CD180: variants seen among roughly 807,000 people sequenced by gnomAD.
CD180 encodes the protein CD180 molecule.
A neutral mutation model predicts 10.7 loss-of-function variants in CD180; 11 were observed. That is an observed-to-expected ratio of 1.03 (90% confidence interval 0.65 to 1.70). The LOEUF is 1.70. CD180 is among the 40% of genes most tolerant of loss of function. The probability of loss-of-function intolerance (pLI) is 0.00; values close to 1 mark genes in which losing one functional copy is unlikely to be tolerated. For missense variants in CD180, 729 were observed against 775.2 expected, an observed-to-expected ratio of 0.94 and a Z score of 0.71; for synonymous variants, 286 against 294.6, an observed-to-expected ratio of 0.97 and a Z score of 0.30.
chr5:67,195,455 C>T (rs1033946014), intron 1 of CD180, among the ~76,000 whole-genome samples: 2 of 152,202 alleles, frequency 1.3e-5, no homozygotes, highest in African/African-American at 4.8e-5. Context: ...AGTCTCAAGG[C>T]ATACACCCAC....
Position 67,183,960 on chromosome 5 carries a change from G to C in CD180, c.883C>G (p.Gln295Glu). 1.9e-6 allele frequency: 3 copies of C among 1,614,198 alleles called. No individual in the cohort carries two copies. The highest frequency in any genetic ancestry group is 1.1e-5 in the South Asian group (1 of 91,084). ...AATTCTTGGAGTTGGGTGAAGCACT[G>C]AAATGTGGTGGATGAGATGTCAGAG... Reference protein sequence around the residue: ...RFSDISSTTFQCFTQLQELDL... With the variant: ...RFSDISSTTFECFTQLQELDL... The change falls in exon 3 of 3, where the codon CAG (glutamine) becomes GAG (glutamate). Residue 295 changes from glutamine to glutamate, a missense_variant. Physicochemically the swap from Gln to Glu is conservative, Grantham distance 29 (BLOSUM62 2). Transcript: ENST00000256447.
chr5:67,195,408 G>A (rs1423489331), intron 1 of CD180, among the ~76,000 whole-genome samples: 2 of 152,136 alleles, frequency 1.3e-5, no homozygotes, highest in Admixed American at 1.3e-4. Context: ...GTACAGATGG[G>A]GTTTTGCCAT....
rs778261466 is a variant in CD180, at chr5:67,183,869, T to G, written c.974A>C (p.Lys325Thr). Residue 325 changes from lysine (K) to threonine (T), a missense_variant, in exon 3 of 3, where the codon AAA (lysine) becomes ACA (threonine). Coordinates refer to ENST00000256447, the MANE Select transcript of CD180 (RefSeq NM_005582.3). ...SGMKGLNLLKKLVLSVNHFDQ... is the reference protein window; with the variant it reads ...SGMKGLNLLKTLVLSVNHFDQ... ...GAAATGATTTACACTGAGAACTAAT[T>G]TCTTGAGCAAGTTCAGACCCTTCAT... is the stretch of plus-strand genomic sequence containing the variant. The G allele has an allele frequency of 9.3e-6, 15 of 1,614,058 alleles. No homozygotes were observed. Among genetic ancestry groups the G allele is most frequent in the African/African-American group, 2.7e-5 (2 of 74,924 alleles).
chr5:67,193,363 G>A (rs774629849), intron 1 of CD180, among the ~76,000 whole-genome samples: 3 of 152,174 alleles, frequency 2.0e-5, no homozygotes, highest in South Asian at 2.1e-4. Context: ...TAAGTCAAAA[G>A]CAAGAGTTTA....
intron 1 of CD180, among the ~76,000 whole-genome samples, chr5:67,196,010 A>T (rs926071085): frequency 6.6e-6 from 1 of 152,224 alleles, no homozygotes; most frequent in Non-Finnish European, 1.5e-5. Context: ...CCAAAACAGA[A>T]GGTGCAATTT....
At position 67,183,120 on chromosome 5, in the gene CD180, T is replaced by C. The variant is rs1554035885; in HGVS notation, c.1723A>G (p.Ser575Gly). 5 of 1,610,312 alleles carry C rather than the reference T, an allele frequency of 3.1e-6. No individual in the cohort carries two copies. The highest frequency in any genetic ancestry group is 4.2e-6 in the Non-Finnish European group (5 of 1,177,454). The stretch of plus-strand genomic sequence containing the variant: ...CAAGTGCAGTCCAGGGGGTTATGAC[T>C]TAAATTAATGGTGCTCTGCTGGGAC... ...ILSQQSTINL[S>G]HNPLDCTCSN... The change falls in exon 3 of 3, where the codon AGT becomes GGT. Residue 575 changes from serine to glycine, a missense_variant. Coordinates refer to ENST00000256447, the MANE Select transcript of CD180 (RefSeq NM_005582.3).
chr5:67,190,355 T>C (rs971270557), intron 1 of CD180, among the ~76,000 whole-genome samples: 14 of 152,192 alleles, frequency 9.2e-5, no homozygotes, highest in African/African-American at 2.2e-4. Context: ...GAAGGAACAC[T>C]GGGCCCCAGC....
intron 2 of CD180, among the ~76,000 whole-genome samples, chr5:67,185,164 G>A (rs544008770): frequency 6.7e-6 from 1 of 148,736 alleles, no homozygotes; most frequent in Non-Finnish European, 1.5e-5. Flanking sequence ...TGCTTTTAAA[G>A]ATGAAGCGGT....
Position 67,196,698 on chromosome 5 carries a change from C to A in CD180, c.-57G>T. On this transcript the variant is annotated 5_prime_UTR_variant, in exon 1 of 3. It removes the in-frame stop codon of an upstream open reading frame in the 5' UTR. Transcript: ENST00000256447. ...AATGCTTGGAGCTGAGAAATGGAAT[C>A]AAACTGTGAAGGCCCTGGCAATTTG... 3 of 1,587,108 alleles carry A rather than the reference C, an allele frequency of 1.9e-6. No homozygotes were observed. Among genetic ancestry groups the A allele is most frequent in the South Asian group, 1.1e-5 (1 of 90,566 alleles).
At chr5:67,191,547 G>A (rs1742305418) in intron 1 of CD180, among the ~76,000 whole-genome samples, 1 of 152,192 alleles carries the variant, frequency 6.6e-6, no homozygotes, top group South Asian at 2.1e-4. Context: ...TGGCCAAGCT[G>A]AGCTCACTTG....
rs62369376 is a variant in CD180 at position 67,195,154 on chromosome 5, G to A, written c.90+1398C>T. Among the ~76,000 whole-genome samples, 396 of 152,222 alleles carry A rather than the reference G, an allele frequency of 2.6e-3. 2 individuals carry two copies. Among genetic ancestry groups the A allele is most frequent in the Non-Finnish European group, 4.0e-3 (271 of 68,010 alleles). On this transcript the variant is annotated intron_variant, in intron 1 of 2. Coordinates refer to ENST00000256447, the MANE Select transcript of CD180 (RefSeq NM_005582.3). ...AACTGTGAGACAATCAATTTCTCTTGTTTAAGTCACCTAGTCTATGGTATT... is the reference window on the plus strand; with the variant it reads ...AACTGTGAGACAATCAATTTCTCTTATTTAAGTCACCTAGTCTATGGTATT...
intron 2 of CD180, 110 bp downstream of exon 2, chr5:67,185,741 T>C (rs539609580): frequency 1.5e-5 from 10 of 686,408 alleles, no homozygotes; most frequent in Middle Eastern, 8.5e-4. Flanking sequence ...ACATGTAGTA[T>C]AAGCAGATTG....
At chr5:67,196,287 T>C (rs921441867) in intron 1 of CD180, among the ~76,000 whole-genome samples, 3 of 152,162 alleles carry the variant, frequency 2.0e-5, no homozygotes, top group African/African-American at 7.2e-5. Context: ...CCTATTAATA[T>C]CTTATGACCC....
At chr5:67,193,841 G>A (rs1242406935) in intron 1 of CD180, among the ~76,000 whole-genome samples, 1 of 152,236 alleles carries the variant, frequency 6.6e-6, no homozygotes, top group Non-Finnish European at 1.5e-5. Flanking sequence ...AGTTAAACTT[G>A]TAGGTGTATA....
intron 1 of CD180, among the ~76,000 whole-genome samples, chr5:67,195,241 G>C (rs1400089615): frequency 1.3e-5 from 2 of 152,164 alleles, no homozygotes; most frequent in Non-Finnish European, 2.9e-5. Context: ...TTTTAAGACA[G>C]AGTCTTGCTC....
Position 67,184,103 on chromosome 5 carries a change from G to T in CD180, c.740C>A (p.Thr247Asn), listed in dbSNP as rs1413497702. ...AAATGTTCCCAGCCAGAGAGACTGA[G>T]TAGTAGAGTTCTGCAGACCATTGAA... is the stretch of plus-strand genomic sequence containing the variant. ...VIFNGLQNST[T>N]QSLWLGTFED... Residue 247 changes from threonine (T) to asparagine (N), a missense_variant, in exon 3 of 3, where the codon ACT becomes AAT. By Grantham distance (65) the Thr-to-Asn change is moderately conservative. Transcript: ENST00000256447. 3 of 1,614,070 alleles carry T rather than the reference G, an allele frequency of 1.9e-6. No homozygotes were observed. Among genetic ancestry groups the T allele is most frequent in the Admixed American group, 1.7e-5 (1 of 60,008 alleles).
intron 1 of CD180, among the ~76,000 whole-genome samples, chr5:67,188,170 A>G (rs1742237654): frequency 6.7e-6 from 1 of 148,538 alleles, no homozygotes; most frequent in Non-Finnish European, 1.5e-5. Flanking sequence ...CTCTGCCTCA[A>G]AAAGAAAAAA....
chr5:67,190,551 C>T (rs1742281008), intron 1 of CD180, among the ~76,000 whole-genome samples: 1 of 152,236 alleles, frequency 6.6e-6, no homozygotes, highest in Admixed American at 6.5e-5. Flanking sequence ...CTTCTGCTGG[C>T]TCCAGTGCAG....
Position 67,182,741 on chromosome 5 carries a change from C to G in CD180, c.*116G>C, listed in dbSNP as rs1204187304. ...CTCAGAAAAGCACAGTGAGTCCCTG[C>G]CCAGTTCCAGGAAGCAATCTGAAAA... On this transcript the variant is annotated 3_prime_UTR_variant, in exon 3 of 3. Transcript: ENST00000256447. 5 of 796,464 alleles carry G rather than the reference C, an allele frequency of 6.3e-6. No homozygotes were observed. In the African/African-American group the frequency reaches 7.0e-5, roughly 11 times the overall value. 49.3% of individuals were successfully genotyped at this position (796,464 alleles called of 1,614,324 possible). A position where few individuals can be genotyped will look rare whatever the true frequency, so the allele number is the denominator to read the frequency against.
Sources: gnomAD v4.1 joint callset for allele counts (sites outside exome capture counted in the v4.1 genomes callset) on GRCh38, gnomAD v4.1.1 for gene constraint, MANE v1.5 for transcripts, NCBI Gene and HGNC (gene_info 2026-07-23, HGNC 2026-07-21) for gene names.